Variants in VAT1L observed in about 807,000 individuals in gnomAD.
The protein encoded by VAT1L is vesicle amine transport 1 like.
In VAT1L, 34 loss-of-function variants were observed where a neutral mutation model predicts 44.1. The observed-to-expected ratio is 0.77, with a 90% CI of 0.59 to 1.03. The LOEUF is 1.03. Among genes scored for constraint, VAT1L ranks in the 50% least tolerant of loss-of-function variants. VAT1L has a pLI of 0.00. For synonymous variants in VAT1L, 253 were observed against 202.2 expected (o/e 1.25, Z -2.13); for missense variants, 615 against 538.8 (o/e 1.14, Z -1.40).
intron 7 of VAT1L, chr16:77,892,632 A>ATGGCACTGG (rs2017280142): frequency 1.4e-6 from 1 of 697,010 alleles, no homozygotes; most frequent in Non-Finnish European, 2.7e-6. Context: ...ACACTCCATA[A>ATGGCACTGG]TGGCACTGGT....
At chr16:77,897,624 C>A (rs532820441) in intron 7 of VAT1L, among the ~76,000 whole-genome samples, 1 of 152,152 alleles carries the variant, frequency 6.6e-6, no homozygotes, top group African/African-American at 2.4e-5. Context: ...GCGACGCCAG[C>A]CACCATGCCC....
chr16:77,894,226 A>G (rs150282957), intron 7 of VAT1L, among the ~76,000 whole-genome samples: 2,629 of 152,316 alleles, frequency 0.017, 78 homozygotes, highest in African/African-American at 0.06. Context: ...ATCCACAGAA[A>G]GGCAGCAGTA....
chr16:77,909,058 C>T (rs541078454), intron 7 of VAT1L, among the ~76,000 whole-genome samples: 51 of 152,230 alleles, frequency 3.4e-4, no homozygotes, highest in South Asian at 6.2e-4. Context: ...TGAGCATTGA[C>T]CATGTACTGG....
intron 2 of VAT1L, among the ~76,000 whole-genome samples, chr16:77,818,006 G>A (rs1167973221): frequency 6.6e-6 from 1 of 152,098 alleles, no homozygotes. Context: ...GATGAGGTTC[G>A]GGAGGGTTCA....
At chr16:77,937,401 A>G (rs2017814848) in intron 7 of VAT1L, among the ~76,000 whole-genome samples, 1 of 152,204 alleles carries the variant, frequency 6.6e-6, no homozygotes, top group African/African-American at 2.4e-5. Flanking sequence ...CCCAACACCC[A>G]TTCCAGGTTT....
chr16:77,871,478 T>G (rs942375807), intron 4 of VAT1L, among the ~76,000 whole-genome samples: 18 of 152,120 alleles, frequency 1.2e-4, no homozygotes, highest in Admixed American at 4.6e-4. Flanking sequence ...GGCATAGAAG[T>G]GACAGTGGTG....
intron 5 of VAT1L, among the ~76,000 whole-genome samples, chr16:77,877,512 C>CAAAAAAA (rs55704400): frequency 4.3e-4 from 37 of 86,812 alleles, no homozygotes; most frequent in Non-Finnish European, 5.0e-4. Context: ...GACTCTGTCT[C>CAAAAAAA]AAAAAAAAAA....
chr16:77,972,405 G>A (rs371077569), intron 8 of VAT1L, among the ~76,000 whole-genome samples: 43 of 152,042 alleles, frequency 2.8e-4, no homozygotes, highest in African/African-American at 8.2e-4. Flanking sequence ...TGCAGCCCCC[G>A]CCTCCTGACT....
intron 4 of VAT1L, among the ~76,000 whole-genome samples, chr16:77,865,075 G>A (rs1045956401): frequency 4.1e-5 from 6 of 145,146 alleles, no homozygotes; most frequent in Non-Finnish European, 7.5e-5. Flanking sequence ...CTGGGTTCAC[G>A]CCATTCTCCT....
rs1010132820 is a variant in VAT1L at position 77,964,794 on chromosome 16, T to A, written c.1078-7056T>A. On this transcript the variant is annotated intron_variant, in intron 7 of 8. Transcript: ENST00000302536. ...CTTTGTAGCACTTTTTTTTTTTTTT[T>A]TTTTTTTTTTTTTTTTTAGATGGAG... Among the ~76,000 whole-genome samples the A allele has an allele frequency of 3.4e-5, 4 of 117,232 alleles. No individual in the cohort carries two copies. The South Asian group carries it at 9.0e-4, about 26-fold the overall frequency. 76.9% of individuals were successfully genotyped at this position (117,232 alleles called of 152,430 possible).
rs554230803 is a variant in VAT1L at position 77,912,035 on chromosome 16, T to G, written c.1077+27233T>G. The stretch of plus-strand genomic sequence containing the variant: ...ATCTTGGACCCCACAATATAAGGGG[T>G]GGGCCCACCATACCTCTTCAGTTCC... On this transcript the variant is annotated intron_variant, in intron 7 of 8. Coordinates refer to ENST00000302536, the MANE Select transcript of VAT1L (RefSeq NM_020927.3). Among the ~76,000 whole-genome samples, 253 of 152,240 alleles carry G rather than the reference T, an allele frequency of 1.7e-3. 1 individual carries two copies. Among genetic ancestry groups the G allele is most frequent in the African/African-American group, 5.7e-3 (237 of 41,522 alleles).
intron 3 of VAT1L, among the ~76,000 whole-genome samples, chr16:77,840,941 C>T: frequency 6.6e-6 from 1 of 152,216 alleles, no homozygotes; most frequent in East Asian, 1.9e-4. Flanking sequence ...ATTCAAATTA[C>T]ATAAACATGC....
intron 7 of VAT1L, among the ~76,000 whole-genome samples, chr16:77,963,527 G>A (rs761487883): frequency 6.6e-6 from 1 of 152,124 alleles, no homozygotes; most frequent in Admixed American, 6.5e-5. Context: ...AGAACGGTAA[G>A]ATAATAAATT....
At chr16:77,954,934 T>C (rs990586484) in intron 7 of VAT1L, among the ~76,000 whole-genome samples, 4 of 152,154 alleles carry the variant, frequency 2.6e-5, no homozygotes, top group Non-Finnish European at 4.4e-5. Context: ...ACTCCAAATA[T>C]AGGAAACACA....
chr16:77,838,964 A>G (rs1275365385), intron 3 of VAT1L, among the ~76,000 whole-genome samples: 2 of 151,950 alleles, frequency 1.3e-5, no homozygotes, highest in Non-Finnish European at 2.9e-5. Flanking sequence ...GGTATTCCAT[A>G]GTGAGCAAAC....
intron 3 of VAT1L, among the ~76,000 whole-genome samples, chr16:77,849,192 C>A (rs1003140277): frequency 2.0e-5 from 3 of 151,736 alleles, no homozygotes; most frequent in African/African-American, 7.3e-5. Flanking sequence ...AGTATAATAA[C>A]AAAAAAAAGT....
intron 4 of VAT1L, among the ~76,000 whole-genome samples, chr16:77,863,407 C>A (rs868719239): frequency 6.6e-6 from 1 of 152,358 alleles, no homozygotes; most frequent in African/African-American, 2.4e-5. Flanking sequence ...CTGCTCAGGT[C>A]GTTGGCTACG....
chr16:77,920,527 T>C (rs1043314923), intron 7 of VAT1L, among the ~76,000 whole-genome samples: 1 of 152,188 alleles, frequency 6.6e-6, no homozygotes, highest in Non-Finnish European at 1.5e-5. Flanking sequence ...TATCGAAATA[T>C]GTATGTGTTC....
chr16:77,946,398 C>A (rs190542912), intron 7 of VAT1L, among the ~76,000 whole-genome samples: 1 of 147,566 alleles, frequency 6.8e-6, no homozygotes, highest in African/African-American at 2.5e-5. Context: ...ATTCTCCTGC[C>A]TTAGACTCCC....
Sources: allele counts gnomAD v4.1 joint callset (sites outside exome capture counted in the v4.1 genomes callset), GRCh38; gene constraint gnomAD v4.1.1; transcripts MANE v1.5; gene names NCBI Gene and HGNC (gene_info 2026-07-23, HGNC 2026-07-21).